The following CLEC16A variants were observed in gnomAD, a reference collection of about 807,000 sequenced individuals.
CLEC16A encodes C-type lectin domain containing 16A.
CLEC16A carries 51 observed loss-of-function variants against 109.5 expected under a neutral mutation model. The ratio of observed to expected loss-of-function variants is 0.47; its 90% confidence interval spans 0.37 to 0.59. CLEC16A has a LOEUF of 0.59. Ranked by LOEUF, CLEC16A falls within the 20% of genes least tolerant of loss-of-function variation. The pLI, the probability that CLEC16A is intolerant of heterozygous loss-of-function variation, is 0.00. For synonymous variants in CLEC16A, 673 were observed against 564.2 expected (o/e 1.19, Z -2.73); for missense variants, 1,339 against 1,394.0 (o/e 0.96, Z 0.63).
chr16:11,141,245 A>C (rs546501712), intron 22 of CLEC16A, among the ~76,000 whole-genome samples: 1 of 152,212 alleles, frequency 6.6e-6, no homozygotes, highest in Non-Finnish European at 1.5e-5. Context: ...AGTTCTGAGC[A>C]CCTGCCCTGT....
At chr16:11,092,584 C>T (rs2050375869) in intron 19 of CLEC16A, among the ~76,000 whole-genome samples, 1 of 152,216 alleles carries the variant, frequency 6.6e-6, no homozygotes, top group South Asian at 2.1e-4. Context: ...CAATCCCTGG[C>T]TTGCAGGCAT....
At chr16:11,056,213 G>A (rs1209662311) in intron 18 of CLEC16A, among the ~76,000 whole-genome samples, 4 of 152,240 alleles carry the variant, frequency 2.6e-5, no homozygotes, top group South Asian at 4.1e-4. Flanking sequence ...GACCAACCAC[G>A]GGTCAAATCC....
chr16:11,094,567 G>A (rs1338307693), intron 19 of CLEC16A, among the ~76,000 whole-genome samples: 5 of 152,190 alleles, frequency 3.3e-5, no homozygotes, highest in African/African-American at 4.8e-5. Context: ...ACTTTTTCCA[G>A]GCCACATCAG....
intron 10 of CLEC16A, among the ~76,000 whole-genome samples, chr16:10,988,435 G>A (rs970461028): frequency 6.6e-6 from 1 of 152,186 alleles, no homozygotes; most frequent in African/African-American, 2.4e-5. Context: ...TCTCGGAGAT[G>A]CCTGTGCCAC....
chr16:11,088,779 C>A (rs1037449063), intron 19 of CLEC16A, among the ~76,000 whole-genome samples: 1 of 152,218 alleles, frequency 6.6e-6, no homozygotes, highest in East Asian at 1.9e-4. Flanking sequence ...CCATCACTTA[C>A]CCATGGAGTG....
At chr16:11,128,593 C>T (rs376533392) in intron 22 of CLEC16A, among the ~76,000 whole-genome samples, 3 of 152,306 alleles carry the variant, frequency 2.0e-5, no homozygotes, top group Middle Eastern at 6.8e-3. Context: ...ACACCACCCC[C>T]GCAAAGAGGG....
In CLEC16A at chr16:10,979,433, G is replaced by A. The variant is rs74163608; in HGVS notation, c.957+51G>A. On this transcript the variant is annotated intron_variant, in intron 9 of 23. Coordinates refer to ENST00000409790, the MANE Select transcript of CLEC16A (RefSeq NM_015226.3). Reference sequence around the variant, plus strand: ...CCCACTACATTTGGGGTCCCTTGGCGTGCCACTGCCTTGAAGAAAATCCCC... The same window carrying A: ...CCCACTACATTTGGGGTCCCTTGGCATGCCACTGCCTTGAAGAAAATCCCC... The A allele has an allele frequency of 2.2e-3, 3,357 of 1,533,410 alleles. 33 individuals are homozygous for A. The African/African-American group carries it at 0.028, about 13-fold the overall frequency. The allele number at this position is 1,533,410 out of a possible 1,614,324, so 95.0% of individuals were successfully genotyped here.
At chr16:10,981,241 G>A (rs879227017) in intron 9 of CLEC16A, among the ~76,000 whole-genome samples, 6 of 152,318 alleles carry the variant, frequency 3.9e-5, no homozygotes, top group African/African-American at 7.2e-5. Context: ...GGTACGTAAC[G>A]GATATTTGAG....
At chr16:11,051,976 C>T (rs2047969024) in intron 18 of CLEC16A, among the ~76,000 whole-genome samples, 1 of 152,184 alleles carries the variant, frequency 6.6e-6, no homozygotes, top group Non-Finnish European at 1.5e-5. Flanking sequence ...ACGGTACATC[C>T]AGTGCAGGTG....
rs891922070 is a variant in CLEC16A at position 10,972,805 on chromosome 16, G to A, written c.605-133G>A. 1.8e-5 allele frequency: 18 copies of A among 980,006 alleles called. No homozygotes were observed. The African/African-American group carries it at 3.0e-4, about 16-fold the overall frequency. 60.7% of individuals were successfully genotyped at this position (980,006 alleles called of 1,614,324 possible). On this transcript the variant is annotated intron_variant, in intron 6 of 23. Coordinates refer to ENST00000409790, the MANE Select transcript of CLEC16A (RefSeq NM_015226.3). ...TTTTTAAGTATTTCCAGGAAAGACA[G>A]ACAATTTCAGATTATAGCAGAGGGC...
chr16:11,015,307 C>T (rs1188474198), intron 11 of CLEC16A, among the ~76,000 whole-genome samples: 1 of 151,344 alleles, frequency 6.6e-6, no homozygotes, highest in Non-Finnish European at 1.5e-5. Context: ...GGGTCTGGTT[C>T]TGCGTCAAGA....
At chr16:11,091,043 G>A (rs2050277030) in intron 19 of CLEC16A, among the ~76,000 whole-genome samples, 1 of 151,862 alleles carries the variant, frequency 6.6e-6, no homozygotes, top group East Asian at 1.9e-4. Flanking sequence ...CAAGCACCCC[G>A]CCCACCTTGG....
chr16:11,108,952 TA>T (rs2051389300), intron 19 of CLEC16A, among the ~76,000 whole-genome samples: 1 of 151,564 alleles, frequency 6.6e-6, no homozygotes, highest in African/African-American at 2.4e-5. Context: ...CTACTAAAAA[TA>T]CAAACAAATT....
At chr16:11,040,390 G>C (rs1001782482) in intron 14 of CLEC16A, 9 of 154,774 alleles carry the variant, frequency 5.8e-5, no homozygotes, top group African/African-American at 2.2e-4. Flanking sequence ...TTACGCTAGT[G>C]CTGGGGCTGA....
In CLEC16A at chr16:11,178,264, G is replaced by C; in HGVS notation, c.2807-71G>C. On this transcript the variant is annotated intron_variant, in intron 23 of 23. Transcript: ENST00000409790. The surrounding 1 kb of genome is among the most constrained non-coding windows in gnomAD (Gnocchi z 6.5). ...TCACCAGGGCCGCGGTTCAGGATGGGAGCACAGGGCGCAGTGCGACGGGGT... is the reference window on the plus strand; with the variant it reads ...TCACCAGGGCCGCGGTTCAGGATGGCAGCACAGGGCGCAGTGCGACGGGGT... The C allele has an allele frequency of 1.4e-6, 2 of 1,396,008 alleles. No homozygotes were observed. Among genetic ancestry groups the C allele is most frequent in the Non-Finnish European group, 2.0e-6 (2 of 1,006,784 alleles). 86.5% of individuals were successfully genotyped at this position (1,396,008 alleles called of 1,614,324 possible).
At chr16:11,117,922 T>G (rs1003836855) in intron 19 of CLEC16A, among the ~76,000 whole-genome samples, 2 of 152,168 alleles carry the variant, frequency 1.3e-5, no homozygotes, top group Non-Finnish European at 2.9e-5. Context: ...GATTTCCAAG[T>G]CAAGGGTAGA....
intron 16 of CLEC16A, among the ~76,000 whole-genome samples, chr16:11,046,786 T>G (rs2047657702): frequency 1.3e-5 from 2 of 152,296 alleles, no homozygotes; most frequent in South Asian, 4.1e-4. Context: ...GTCATGACCC[T>G]GAGGAACAAC....
At chr16:11,089,139 C>T (rs910788480) in intron 19 of CLEC16A, among the ~76,000 whole-genome samples, 12 of 152,320 alleles carry the variant, frequency 7.9e-5, no homozygotes, top group Middle Eastern at 3.4e-3. Flanking sequence ...TTGTTCACCA[C>T]GGTCACTCCA....
intron 22 of CLEC16A, among the ~76,000 whole-genome samples, chr16:11,151,450 T>G (rs1453918265): frequency 1.3e-5 from 2 of 152,200 alleles, no homozygotes; most frequent in Non-Finnish European, 2.9e-5. Context: ...CCTCTGCACA[T>G]ATGTGTGCGC....
Sources: allele counts gnomAD v4.1 joint callset (sites outside exome capture counted in the v4.1 genomes callset), GRCh38; gene constraint gnomAD v4.1.1; non-coding constraint Gnocchi (gnomAD v3.1); transcripts MANE v1.5; gene names NCBI Gene and HGNC (gene_info 2026-07-23, HGNC 2026-07-21).